The following ICA1 variants were observed in gnomAD, a reference collection of about 807,000 sequenced individuals.
The protein encoded by ICA1 is islet cell autoantigen 1, also known as 69 kDa islet cell autoantigen.
A neutral mutation model predicts 71.0 loss-of-function variants in ICA1; 40 were observed. The ratio of observed to expected loss-of-function variants is 0.56; its 90% CI spans 0.44 to 0.73. The LOEUF (loss-of-function observed/expected upper bound fraction) is 0.73, where lower values mean the gene tolerates loss of function less well. Ranked by LOEUF, ICA1 falls within the 30% of genes least tolerant of loss-of-function variation. The pLI, the probability that ICA1 is intolerant of heterozygous loss-of-function variation, is 0.00. For missense variants in ICA1, 578 were observed against 576.5 expected, an observed-to-expected ratio of 1.00 and a Z score of -0.03; for synonymous variants, 207 against 209.5, an observed-to-expected ratio of 0.99 and a Z score of 0.10.
At chr7:8,164,158 T>G (rs548930307) in intron 6 of ICA1, among the ~76,000 whole-genome samples, 2 of 151,446 alleles carry the variant, frequency 1.3e-5, no homozygotes, top group South Asian at 2.1e-4. Flanking sequence ...TACAAAAATT[T>G]GATAGTGTGG....
chr7:8,205,070 A>G (rs1266240063), intron 6 of ICA1, among the ~76,000 whole-genome samples: 63 of 126,398 alleles, frequency 5.0e-4, no homozygotes, highest in Non-Finnish European at 9.7e-4. Context: ...TTTAAAATGG[A>G]AGACATGCAA....
In ICA1 at chr7:8,223,809, C is replaced by G. The variant is rs148801660; in HGVS notation, c.257-2411G>C. Among the ~76,000 whole-genome samples, 292 of 152,166 alleles carry G rather than the reference C, an allele frequency of 1.9e-3. No homozygotes were observed. The highest frequency in any genetic ancestry group is 6.7e-3 in the African/African-American group (277 of 41,522). ...ACAAAAAAAGATAACTCAAAATGTT[C>G]TATTAATAAGGTTTCAATTATCTGG... On this transcript the variant is annotated intron_variant, in intron 4 of 13. Transcript: ENST00000402384. This position sits in a 1 kb window ranked among gnomAD's most constrained non-coding sequence, Gnocchi z 4.1.
chr7:8,157,249 GA>G (rs746072547), intron 7 of ICA1, 35 bp from the exon 8 acceptor site: 3 of 1,555,486 alleles, frequency 1.9e-6, no homozygotes, highest in Non-Finnish European at 2.6e-6. Flanking sequence ...TTAATGTTTT[GA>G]ATGCCCAGTT....
chr7:8,122,564 T>C (rs1787412708), intron 13 of ICA1, among the ~76,000 whole-genome samples: 1 of 152,258 alleles, frequency 6.6e-6, no homozygotes, highest in African/African-American at 2.4e-5. Context: ...GAGTGCCTGC[T>C]CTGCATTCAA....
At chr7:8,190,218 GTTT>G (rs1287043262) in intron 6 of ICA1, among the ~76,000 whole-genome samples, 1 of 147,400 alleles carries the variant, frequency 6.8e-6, no homozygotes, top group African/African-American at 2.5e-5. Flanking sequence ...GTTTCTTCCA[GTTT>G]TTTTTTTTTC....
intron 1 of ICA1, among the ~76,000 whole-genome samples, chr7:8,257,221 CTA>C (rs1810525234): frequency 6.6e-6 from 1 of 152,188 alleles, no homozygotes; most frequent in South Asian, 2.1e-4. Flanking sequence ...GTCAGGGTTC[CTA>C]TGACTAAGGA....
At chr7:8,218,234 G>C in intron 6 of ICA1, 71 bp downstream of exon 6, 5 of 1,331,424 alleles carry the variant, frequency 3.8e-6, no homozygotes, top group African/African-American at 1.4e-5. Flanking sequence ...TTCTTCACCA[G>C]AGGGATTCAA....
At chr7:8,166,640 T>C (rs79599969) in intron 6 of ICA1, among the ~76,000 whole-genome samples, 21,101 of 152,114 alleles carry the variant, frequency 0.14, 1,663 homozygotes, top group East Asian at 0.3. Context: ...AATTGGCAAA[T>C]GGGACCAAAG....
intron 6 of ICA1, among the ~76,000 whole-genome samples, chr7:8,199,855 A>G (rs974899830): frequency 2.6e-5 from 4 of 152,242 alleles, no homozygotes; most frequent in African/African-American, 9.6e-5. Flanking sequence ...GAACCTAAAC[A>G]TCAAAACAAT....
chr7:8,244,044 T>C lies in ICA1; in HGVS notation c.-79-8039A>G, dbSNP rs576858567. On this transcript the variant is annotated intron_variant, in intron 1 of 13. Coordinates refer to ENST00000402384, the MANE Select transcript of ICA1 (RefSeq NM_001136020.3). ...TCCCCATATGACTTTCTTCACAGAA[T>C]TGGAAAAAAACTACTTTAAAGTTCA... Among the ~76,000 whole-genome samples, 235 of 116,980 alleles carry C rather than the reference T, an allele frequency of 2.0e-3. 1 individual carries two copies. The highest frequency in any genetic ancestry group is 0.01 in the African/African-American group (224 of 21,512). The allele number at this position is 116,980 out of a possible 152,430, so 76.7% of individuals were successfully genotyped here.
At chr7:8,178,470 A>G (rs755165636) in intron 6 of ICA1, among the ~76,000 whole-genome samples, 9 of 152,152 alleles carry the variant, frequency 5.9e-5, no homozygotes, top group Non-Finnish European at 1.2e-4. Flanking sequence ...TGCTAGTCAA[A>G]TAATTTTTAA....
At position 8,244,291 on chromosome 7, in the gene ICA1, A is replaced by C. The variant is rs564946665; in HGVS notation, c.-79-8286T>G. 2.0e-5 allele frequency among the ~76,000 whole-genome samples: 3 copies of C among 152,374 alleles called. No homozygotes were observed. In the East Asian group the frequency reaches 5.8e-4, roughly 29 times the overall value. Reference sequence around the variant, plus strand: ...TATCTGATCTTTGACAAATCTGACAAAAACAAGAAATGGGGAAAGGATTCC... The same window carrying C: ...TATCTGATCTTTGACAAATCTGACACAAACAAGAAATGGGGAAAGGATTCC... On this transcript the variant is annotated intron_variant, in intron 1 of 13. Coordinates refer to ENST00000402384, the MANE Select transcript of ICA1 (RefSeq NM_001136020.3).
chr7:8,188,564 GT>G (rs756010148), intron 6 of ICA1, among the ~76,000 whole-genome samples: 23 of 152,188 alleles, frequency 1.5e-4, no homozygotes, highest in Non-Finnish European at 3.1e-4. Flanking sequence ...AAAAGTGAGT[GT>G]GGAGTAAGGG....
At chr7:8,188,270 G>A (rs1307180851) in intron 6 of ICA1, among the ~76,000 whole-genome samples, 1 of 152,148 alleles carries the variant, frequency 6.6e-6, no homozygotes, top group Non-Finnish European at 1.5e-5. Flanking sequence ...ATTGCATAAT[G>A]ACACACTTAT....
chr7:8,124,787 AT>A (rs35742614), intron 13 of ICA1, among the ~76,000 whole-genome samples: 50,284 of 146,490 alleles, frequency 0.34, 9,180 homozygotes, highest in African/African-American at 0.5. Context: ...TTAACTCAAC[AT>A]TTTTTTTTTT....
rs1039731341 is a variant in ICA1 at position 8,235,792 on chromosome 7, G to C, written c.17+118C>G. The C allele has an allele frequency of 2.8e-6, 3 of 1,064,010 alleles. No homozygotes were observed. The Admixed American group carries it at 5.6e-5, about 20-fold the overall frequency. 65.9% of individuals were successfully genotyped at this position (1,064,010 alleles called of 1,614,324 possible). A position where few individuals can be genotyped will look rare whatever the true frequency, so the allele number is the denominator to read the frequency against. On this transcript the variant is annotated intron_variant, in intron 2 of 13. Transcript: ENST00000402384. ...CTGAATTTGGCTCAGCATTGGTGAGGGCTAACATGATACTTACTGCCAATG... is the reference window on the plus strand; with the variant it reads ...CTGAATTTGGCTCAGCATTGGTGAGCGCTAACATGATACTTACTGCCAATG...
chr7:8,235,829 T>C, intron 2 of ICA1, 81 bp downstream of exon 2: 1 of 1,441,812 alleles, frequency 6.9e-7, no homozygotes, highest in Non-Finnish European at 9.7e-7. Context: ...ATCTCTTGTT[T>C]TTCCATTCAA....
intron 6 of ICA1, among the ~76,000 whole-genome samples, chr7:8,206,842 C>A (rs982784592): frequency 3.9e-5 from 6 of 151,978 alleles, no homozygotes; most frequent in Non-Finnish European, 7.4e-5. Flanking sequence ...ATTTATTTCA[C>A]ATGCATTAAT....
intron 6 of ICA1, among the ~76,000 whole-genome samples, chr7:8,207,859 C>G (rs1461800111): frequency 6.6e-6 from 1 of 152,156 alleles, no homozygotes; most frequent in Non-Finnish European, 1.5e-5. Context: ...GATCATTCTT[C>G]CGATAGCTCA....
Sources: gnomAD v4.1 joint callset for allele counts (sites outside exome capture counted in the v4.1 genomes callset) on GRCh38, gnomAD v4.1.1 for gene constraint, Gnocchi (gnomAD v3.1) non-coding constraint, MANE v1.5 for transcripts, NCBI Gene and HGNC (gene_info 2026-07-23, HGNC 2026-07-21) for gene names.